The following EYS variants were observed in gnomAD, a reference collection of about 807,000 sequenced individuals.
The protein encoded by EYS is protein eyes shut homolog.
Under a neutral mutation model 282.1 loss-of-function variants are expected in EYS, and 250 were observed. That is an observed-to-expected ratio of 0.89 (90% CI 0.80 to 0.98). The LOEUF (loss-of-function observed/expected upper bound fraction) is 0.98, where lower values mean the gene tolerates loss of function less well. EYS is among the 50% of genes least tolerant of loss of function. The pLI is 0.00. For synonymous variants in EYS, 1,355 were observed against 1,282.9 expected, an observed-to-expected ratio of 1.06 and a Z score of -1.20; for missense variants, 4,016 against 3,709.0, an observed-to-expected ratio of 1.08 and a Z score of -2.15.
chr6:65,062,230 C>A (rs1243123856), intron 12 of EYS, among the ~76,000 whole-genome samples: 1 of 151,798 alleles, frequency 6.6e-6, no homozygotes, highest in Non-Finnish European at 1.5e-5. Context: ...TCAACATGGG[C>A]AAACAAAACT....
chr6:64,499,632 CT>C (rs979097627), intron 26 of EYS, among the ~76,000 whole-genome samples: 7 of 151,870 alleles, frequency 4.6e-5, no homozygotes, highest in Admixed American at 3.9e-4. Flanking sequence ...TCTTATCTGT[CT>C]TTTTTTTAGG....
At chr6:64,508,510 T>G (rs1285489035) in intron 26 of EYS, among the ~76,000 whole-genome samples, 1 of 151,002 alleles carries the variant, frequency 6.6e-6, no homozygotes, top group East Asian at 1.9e-4. Context: ...TAAGGAGAAA[T>G]GATATCCGCA....
At chr6:64,465,521 G>A (rs1248404339) in intron 26 of EYS, among the ~76,000 whole-genome samples, 2 of 152,072 alleles carry the variant, frequency 1.3e-5, no homozygotes, top group Non-Finnish European at 2.9e-5. Flanking sequence ...TTTTATAAAT[G>A]GTGTTGAGGA....
At chr6:65,423,744 A>T (rs1767554438) in intron 5 of EYS, among the ~76,000 whole-genome samples, 1 of 151,758 alleles carries the variant, frequency 6.6e-6, no homozygotes, top group Admixed American at 6.6e-5. Context: ...TCTCCTCCCA[A>T]ACCTACTATT....
At chr6:64,664,359 G>T (rs2036077) in intron 22 of EYS, among the ~76,000 whole-genome samples, 29,586 of 152,052 alleles carry the variant, frequency 0.19, 3,397 homozygotes, top group East Asian at 0.34. Flanking sequence ...CTACCTGATT[G>T]GTTGGGTGTG....
At chr6:64,843,846 T>C (rs1765640208) in intron 19 of EYS, among the ~76,000 whole-genome samples, 1 of 152,108 alleles carries the variant, frequency 6.6e-6, no homozygotes, top group Non-Finnish European at 1.5e-5. Context: ...ATGGTTTGGC[T>C]ATGTGTCCCC....
chr6:65,177,883 A>G (rs1765266648), intron 12 of EYS, among the ~76,000 whole-genome samples: 1 of 151,946 alleles, frequency 6.6e-6, no homozygotes, highest in South Asian at 2.1e-4. Context: ...TTAGCAATGT[A>G]TAGCACCAGC....
Position 65,495,467 on chromosome 6 carries a change from T to A in EYS, c.-57A>T. 6.4e-7 allele frequency: 1 copy of A among 1,573,694 alleles called. No individual in the cohort carries two copies. The highest frequency in any genetic ancestry group is 8.6e-7 in the Non-Finnish European group (1 of 1,157,840). ...AAAGAATTGCTGCAAAATGGTGTTT[T>A]AAGTATTACCGGAAATTTCCAAGTA... On this transcript the variant is annotated 5_prime_UTR_variant, in exon 4 of 43. Coordinates refer to ENST00000503581, the MANE Select transcript of EYS (RefSeq NM_001142800.2).
intron 2 of EYS, among the ~76,000 whole-genome samples, chr6:65,627,559 C>A (rs1344168253): frequency 6.6e-6 from 1 of 152,158 alleles, no homozygotes; most frequent in Non-Finnish European, 1.5e-5. Flanking sequence ...GGGCTGCCTG[C>A]CGCGCTTGCG....
intron 2 of EYS, among the ~76,000 whole-genome samples, chr6:65,613,314 C>T (rs10806512): frequency 0.36 from 54,112 of 151,564 alleles, 12,051 homozygotes; most frequent in Non-Finnish European, 0.49. Flanking sequence ...GTGACTTCTC[C>T]ATGGATAAGG....
chr6:63,966,461 G>T (rs117817222), intron 35 of EYS, among the ~76,000 whole-genome samples: 6 of 152,078 alleles, frequency 3.9e-5, no homozygotes, highest in African/African-American at 1.2e-4. Flanking sequence ...CATGGCTGAA[G>T]AGCTTACTCA....
intron 34 of EYS, among the ~76,000 whole-genome samples, chr6:63,988,116 T>C (rs774846775): frequency 3.3e-5 from 5 of 151,770 alleles, no homozygotes; most frequent in Middle Eastern, 3.4e-3. Flanking sequence ...AGCTGTCACA[T>C]AGCATAGGTG....
chr6:65,536,997 T>C (rs1031371409), intron 2 of EYS, among the ~76,000 whole-genome samples: 5 of 152,194 alleles, frequency 3.3e-5, no homozygotes, highest in Non-Finnish European at 7.4e-5. Flanking sequence ...TATTGATGTA[T>C]GTAGCCACAT....
chr6:64,773,685 G>T (rs1375340911), intron 22 of EYS, among the ~76,000 whole-genome samples: 1 of 151,882 alleles, frequency 6.6e-6, no homozygotes, highest in Non-Finnish European at 1.5e-5. Context: ...TTGTGAGATG[G>T]TATCTCATTG....
chr6:65,296,072 A>G lies in EYS; in HGVS notation c.1814T>C (p.Val605Ala). The G allele has an allele frequency of 6.4e-7, 1 of 1,550,634 alleles. No individual in the cohort carries two copies. Among genetic ancestry groups the G allele is most frequent in the Non-Finnish European group, 8.7e-7 (1 of 1,146,316 alleles). The part of the protein sequence containing the change: ...SYIGRLCVVN[V>A]DYCLGNHSIS... ...ACTGTGGTTCCCTAAGCAATAGTCA[A>G]CATTGACAACACACAATCTGCCAAT... The change falls in exon 12 of 43, where the codon GTT (valine) becomes GCT (alanine). Residue 605 changes from valine (V) to alanine (A), a missense_variant. Physicochemically the swap from Val to Ala is moderately conservative, Grantham distance 64. Coordinates refer to ENST00000503581, the MANE Select transcript of EYS (RefSeq NM_001142800.2).
At chr6:63,997,252 T>C (rs1767876109) in intron 34 of EYS, among the ~76,000 whole-genome samples, 2 of 152,226 alleles carry the variant, frequency 1.3e-5, no homozygotes, top group Admixed American at 1.3e-4. Context: ...TTAGGTGCTC[T>C]TTCTCAGACA....
At chr6:65,386,161 C>T (rs1480729740) in intron 7 of EYS, among the ~76,000 whole-genome samples, 4 of 147,222 alleles carry the variant, frequency 2.7e-5, no homozygotes, top group African/African-American at 7.5e-5. Context: ...TGTTTCTAAA[C>T]AGAGCAGGTT....
At chr6:65,647,860 T>C (rs1767506604) in intron 1 of EYS, among the ~76,000 whole-genome samples, 1 of 151,548 alleles carries the variant, frequency 6.6e-6, no homozygotes, top group African/African-American at 2.4e-5. Flanking sequence ...CTTAGCAAAA[T>C]GTGGGCTAAG....
chr6:64,032,475 C>T lies in EYS; in HGVS notation c.6726-33292G>A, dbSNP rs549151029. On this transcript the variant is annotated intron_variant, in intron 33 of 42. Transcript: ENST00000503581. ...CCAAATGTGTGGGTTTTCTATACCA[C>T]GTGTCTGTGGACACAAACTGAGCGT... Among the ~76,000 whole-genome samples, 409 of 152,342 alleles carry T rather than the reference C, an allele frequency of 2.7e-3. 2 individuals are homozygous for T. Among genetic ancestry groups the T allele is most frequent in the African/African-American group, 9.5e-3 (393 of 41,576 alleles).
Sources: gnomAD v4.1 joint callset for allele counts (sites outside exome capture counted in the v4.1 genomes callset) on GRCh38, gnomAD v4.1.1 for gene constraint, MANE v1.5 for transcripts, NCBI Gene and HGNC (gene_info 2026-07-23, HGNC 2026-07-21) for gene names.